Variants in ATG7 observed in about 807,000 individuals in gnomAD.
ATG7 encodes the protein ubiquitin-like modifier-activating enzyme ATG7.
Under a neutral mutation model 82.4 loss-of-function variants are expected in ATG7, and 70 were observed. The observed-to-expected ratio is 0.85, with a 90% CI of 0.70 to 1.04. ATG7 has a LOEUF of 1.04. Among genes scored for constraint, ATG7 ranks in the 50% least tolerant of loss-of-function variants. The pLI, the probability that ATG7 is intolerant of heterozygous loss-of-function variation, is 0.00. For missense variants in ATG7, 792 were observed against 864.3 expected (o/e 0.92, Z 1.05); for synonymous variants, 287 against 313.0 (o/e 0.92, Z 0.88).
At chr3:11,532,173 C>T (rs2092705875) in intron 20 of ATG7, among the ~76,000 whole-genome samples, 1 of 152,200 alleles carries the variant, frequency 6.6e-6, no homozygotes, top group Non-Finnish European at 1.5e-5. Context: ...TTTGCTCATT[C>T]AACAAGCGTG....
rs1039959739 is a variant in ATG7 at position 11,413,595 on chromosome 3, A to T, written c.1957-13209A>T. ...TGTCACACAAAAAACTGACTTAATA[A>T]ATGAATTCAGCAAAGTAGCAGAATG... On this transcript the variant is annotated intron_variant, in intron 19 of 20. Coordinates refer to ENST00000693202, the MANE Select transcript of ATG7 (RefSeq NM_001349232.2). Among the ~76,000 whole-genome samples the T allele has an allele frequency of 2.1e-5, 3 of 143,038 alleles. No homozygotes were observed. In the Admixed American group the frequency reaches 2.3e-4, roughly 11 times the overall value. The allele number at this position is 143,038 out of a possible 152,430, so 93.8% of individuals were successfully genotyped here. A position where few individuals can be genotyped will look rare whatever the true frequency, so the allele number is the denominator to read the frequency against.
chr3:11,384,405 C>T (rs2078154926), intron 19 of ATG7, among the ~76,000 whole-genome samples: 1 of 152,158 alleles, frequency 6.6e-6, no homozygotes, highest in Non-Finnish European at 1.5e-5. Context: ...CTTAATAATA[C>T]ACTCATTCTG....
chr3:11,562,941 C>T, the ATG7 span, among the ~76,000 whole-genome samples: 151 of 152,322 alleles, frequency 9.9e-4, 1 homozygote, highest in Non-Finnish European at 7.4e-5. Flanking sequence ...GCCCTTGCCA[C>T]GTGTGCCGTG....
Position 11,494,513 on chromosome 3 carries a change from G to A in ATG7, c.2080-60298G>A, listed in dbSNP as rs79623147. ...ATCGGTTCTATGGGACAGCTGGGCCGGTTTCAATGGGCTGTTCTGTATGTG... is the reference window on the plus strand; with the variant it reads ...ATCGGTTCTATGGGACAGCTGGGCCAGTTTCAATGGGCTGTTCTGTATGTG... On this transcript the variant is annotated intron_variant, in intron 20 of 20. Transcript: ENST00000693202. 7.5e-3 allele frequency among the ~76,000 whole-genome samples: 1,149 copies of A among 152,326 alleles called. 22 individuals are homozygous for A. Among genetic ancestry groups the A allele is most frequent in the African/African-American group, 0.026 (1,067 of 41,564 alleles).
intron 20 of ATG7, chr3:11,510,177 C>T (rs17034516): frequency 0.043 from 19,521 of 456,420 alleles, 607 homozygotes; most frequent in African/African-American, 0.11. Flanking sequence ...ATCTTTACCC[C>T]CTTTCAGGAT....
intron 19 of ATG7, among the ~76,000 whole-genome samples, chr3:11,422,492 A>G (rs772972261): frequency 2.0e-5 from 3 of 152,112 alleles, no homozygotes; most frequent in African/African-American, 4.8e-5. Context: ...AGGGACTTTT[A>G]GCTTTGCTCT....
At chr3:11,394,261 A>G (rs533019092) in intron 19 of ATG7, among the ~76,000 whole-genome samples, 2 of 152,330 alleles carry the variant, frequency 1.3e-5, no homozygotes, top group South Asian at 4.1e-4. Context: ...ACCATGTACT[A>G]AGGATATATT....
intron 20 of ATG7, among the ~76,000 whole-genome samples, chr3:11,485,097 T>A (rs562923342): frequency 2.6e-5 from 4 of 152,320 alleles, no homozygotes; most frequent in South Asian, 4.1e-4. Flanking sequence ...TTTCTAGTTC[T>A]AGGTCCCTGA....
chr3:11,570,917 G>A, the ATG7 span, among the ~76,000 whole-genome samples: 1 of 152,200 alleles, frequency 6.6e-6, no homozygotes, highest in Non-Finnish European at 1.5e-5. Context: ...TTCCCAGTGA[G>A]CAACAAGGTG....
chr3:11,298,928 C>T lies in ATG7; in HGVS notation c.160+73C>T, dbSNP rs199593182. 11 of 1,520,510 alleles carry T rather than the reference C, an allele frequency of 7.2e-6. No individual in the cohort carries two copies. The East Asian group carries it at 1.8e-4, about 25-fold the overall frequency. The allele number at this position is 1,520,510 out of a possible 1,614,324, so 94.2% of individuals were successfully genotyped here. ...GGTCCTCCAGTATAGTGTCAGCTTT[C>T]CTTTAGAAAGAGACAGCCTTGTCTT... On this transcript the variant is annotated intron_variant, in intron 4 of 20. Coordinates refer to ENST00000693202, the MANE Select transcript of ATG7 (RefSeq NM_001349232.2).
At chr3:11,485,689 T>G (rs919556154) in intron 20 of ATG7, among the ~76,000 whole-genome samples, 2 of 152,228 alleles carry the variant, frequency 1.3e-5, no homozygotes, top group Admixed American at 1.3e-4. Context: ...AACATTTAAG[T>G]CTTTAATCCA....
intron 20 of ATG7, among the ~76,000 whole-genome samples, chr3:11,441,921 C>A (rs1229139085): frequency 6.6e-6 from 1 of 152,044 alleles, no homozygotes; most frequent in African/African-American, 2.4e-5. Flanking sequence ...CCACCTTGGC[C>A]TCCCAAAGTG....
intron 9 of ATG7, among the ~76,000 whole-genome samples, chr3:11,325,846 G>A (rs1950806146): frequency 6.6e-6 from 1 of 152,180 alleles, no homozygotes; most frequent in African/African-American, 2.4e-5. Context: ...GCATTTTCTA[G>A]ATTGATACTG....
chr3:11,559,990 A>T (rs141382026), downstream of ATG7, among the ~76,000 whole-genome samples: 1 of 152,148 alleles, frequency 6.6e-6, no homozygotes, highest in Non-Finnish European at 1.5e-5. Context: ...AATATGCCTA[A>T]GTGTGGAACG....
At chr3:11,549,306 T>C (rs2071565042) in intron 20 of ATG7, among the ~76,000 whole-genome samples, 1 of 152,188 alleles carries the variant, frequency 6.6e-6, no homozygotes, top group Admixed American at 6.5e-5. Flanking sequence ...CATAGTGAAA[T>C]GGTTACTACA....
chr3:11,341,069 C>T (rs115721039), intron 12 of ATG7, among the ~76,000 whole-genome samples: 2 of 143,848 alleles, frequency 1.4e-5, no homozygotes, highest in African/African-American at 5.1e-5. Context: ...CCCGCCCCGT[C>T]CCCCACCCCG....
rs975600391 is a variant in ATG7 at position 11,398,812 on chromosome 3, C to T, written c.1956+18760C>T. Among the ~76,000 whole-genome samples, 4 of 152,332 alleles carry T rather than the reference C, an allele frequency of 2.6e-5. No homozygotes were observed. In the South Asian group the frequency reaches 6.2e-4, roughly 24 times the overall value. ...CTTATAGTGAGCTCTGATCATGCCA[C>T]TGCACTCCAGTGTAGGTGACAGAGT... is the stretch of plus-strand genomic sequence containing the variant. On this transcript the variant is annotated intron_variant, in intron 19 of 20. Transcript: ENST00000693202.
intron 20 of ATG7, among the ~76,000 whole-genome samples, chr3:11,487,198 G>T (rs1016855565): frequency 2.2e-5 from 3 of 139,486 alleles, no homozygotes; most frequent in Admixed American, 1.4e-4. Flanking sequence ...ATTTTTCTTA[G>T]TGCAGAACAA....
intron 19 of ATG7, among the ~76,000 whole-genome samples, chr3:11,418,538 C>A (rs1451454885): frequency 1.3e-5 from 2 of 152,206 alleles, no homozygotes; most frequent in Non-Finnish European, 2.9e-5. Context: ...ATGGGGGCCT[C>A]CCTATAACTA....
Sources: allele counts gnomAD v4.1 joint callset (sites outside exome capture counted in the v4.1 genomes callset), GRCh38; gene constraint gnomAD v4.1.1; transcripts MANE v1.5; gene names NCBI Gene and HGNC (gene_info 2026-07-23, HGNC 2026-07-21).